The following PARM1 variants were observed in gnomAD, a reference collection of about 807,000 sequenced individuals.
PARM1 encodes WSC4, cell wall integrity and stress response component 4 homolog.
PARM1 carries 14 observed loss-of-function variants against 24.6 expected under a neutral mutation model. The ratio of observed to expected loss-of-function variants is 0.57; its 90% confidence interval spans 0.38 to 0.89. The LOEUF (loss-of-function observed/expected upper bound fraction) is 0.89. PARM1 is among the 40% of genes least tolerant of loss of function. The probability of loss-of-function intolerance (pLI) is 0.00; values close to 1 mark genes in which losing one functional copy is unlikely to be tolerated. For synonymous variants in PARM1, 179 were observed against 156.6 expected (o/e 1.14, Z -1.07); for missense variants, 362 against 380.4 (o/e 0.95, Z 0.40).
intron 1 of PARM1, among the ~76,000 whole-genome samples, chr4:75,003,682 A>G (rs989185386): frequency 2.0e-5 from 3 of 152,168 alleles, no homozygotes; most frequent in Admixed American, 6.5e-5. Context: ...ATATGGTTGG[A>G]CCACACTCTA....
In PARM1 at chr4:74,989,231, C is replaced by G. The variant is rs557698504; in HGVS notation, c.44-23194C>G. ...TACCTGAAGATAGTGTCAGATCCCA[C>G]AGCTTAAGGGCTCAGTCCCACAAGA... On this transcript the variant is annotated intron_variant, in intron 1 of 3. Transcript: ENST00000307428. Among the ~76,000 whole-genome samples, 17 of 152,242 alleles carry G rather than the reference C, an allele frequency of 1.1e-4. No individual in the cohort carries two copies. In the East Asian group the frequency reaches 2.9e-3, roughly 26 times the overall value.
chr4:74,982,505 A>C (rs1722277887), intron 1 of PARM1, among the ~76,000 whole-genome samples: 1 of 152,208 alleles, frequency 6.6e-6, no homozygotes, highest in Non-Finnish European at 1.5e-5. Context: ...ACATTCACAT[A>C]ACTTTTTTTA....
At chr4:75,030,572 T>A (rs1416132521) in intron 2 of PARM1, among the ~76,000 whole-genome samples, 1 of 152,220 alleles carries the variant, frequency 6.6e-6, no homozygotes, top group Non-Finnish European at 1.5e-5. Flanking sequence ...ACCAGCCCTC[T>A]GGATAGGCAG....
chr4:74,972,143 T>G (rs533875377), intron 1 of PARM1, among the ~76,000 whole-genome samples: 23 of 152,286 alleles, frequency 1.5e-4, no homozygotes, highest in Admixed American at 9.8e-4. Context: ...AGTGGAGCAG[T>G]GCTGCCCACA....
At chr4:75,020,009 C>CAAA (rs1161399344) in intron 2 of PARM1, among the ~76,000 whole-genome samples, 19 of 31,026 alleles carry the variant, frequency 6.1e-4, no homozygotes, top group East Asian at 2.6e-3. Flanking sequence ...GACTCCGTCT[C>CAAA]AAAAAAAAAA....
chr4:74,975,105 C>A (rs911579844), intron 1 of PARM1, among the ~76,000 whole-genome samples: 2 of 152,162 alleles, frequency 1.3e-5, no homozygotes, highest in East Asian at 1.9e-4. Context: ...TTTCACCTAA[C>A]CTTTGAATGT....
intron 1 of PARM1, among the ~76,000 whole-genome samples, chr4:74,977,550 T>A (rs1330880913): frequency 2.0e-5 from 3 of 152,270 alleles, no homozygotes; most frequent in East Asian, 3.9e-4. Flanking sequence ...CATCAGGATA[T>A]CATTCAGAAA....
intron 1 of PARM1, among the ~76,000 whole-genome samples, chr4:74,954,478 T>G (rs945046001): frequency 6.6e-6 from 1 of 152,236 alleles, no homozygotes; most frequent in African/African-American, 2.4e-5. Context: ...AACGTAAACT[T>G]GACCTGTGTT....
At chr4:74,969,772 C>A (rs1721985664) in intron 1 of PARM1, 1 of 152,218 alleles carries the variant, frequency 6.6e-6, no homozygotes, top group African/African-American at 2.4e-5. Context: ...GCTGTTCCTT[C>A]TCTTCTGGGT....
chr4:74,960,822 C>T (rs1428740208), intron 1 of PARM1, among the ~76,000 whole-genome samples: 2 of 150,958 alleles, frequency 1.3e-5, no homozygotes, highest in Admixed American at 6.6e-5. Flanking sequence ...TCCTGGCTAA[C>T]ATGGTAAAAC....
chr4:75,033,767 TC>T, intron 2 of PARM1, 115 bp from the exon 3 acceptor site: 6 of 668,582 alleles, frequency 9.0e-6, no homozygotes, highest in East Asian at 3.1e-5. Context: ...AAGTAGCTTT[TC>T]CCCCTTTCAG....
chr4:74,962,626 CAA>C (rs1372698559), intron 1 of PARM1, among the ~76,000 whole-genome samples: 2 of 152,080 alleles, frequency 1.3e-5, no homozygotes, highest in Non-Finnish European at 2.9e-5. Flanking sequence ...GCCATGCAAA[CAA>C]GAGAGCAGGG....
chr4:75,039,529 AAAAT>A, intron 3 of PARM1, among the ~76,000 whole-genome samples: 1 of 152,022 alleles, frequency 6.6e-6, no homozygotes, highest in Admixed American at 6.6e-5. Context: ...GCGAGAAAAA[AAAAT>A]AAAATAAAAT....
At chr4:74,999,305 T>C (rs1722634180) in intron 1 of PARM1, 1 of 152,246 alleles carries the variant, frequency 6.6e-6, no homozygotes. Context: ...ATTAAAACCT[T>C]ACATTGGTGC....
chr4:75,013,895 C>T (rs962706782), intron 2 of PARM1, among the ~76,000 whole-genome samples: 1 of 152,162 alleles, frequency 6.6e-6, no homozygotes, highest in African/African-American at 2.4e-5. Flanking sequence ...TCTGAGGTCA[C>T]CTGCATCTGA....
intron 2 of PARM1, among the ~76,000 whole-genome samples, chr4:75,018,389 A>G (rs935562784): frequency 2.6e-5 from 4 of 152,242 alleles, no homozygotes; most frequent in Non-Finnish European, 4.4e-5. Context: ...ATTGAGAATC[A>G]TATTTTAAAA....
At chr4:75,003,321 GAA>G (rs879669555) in intron 1 of PARM1, among the ~76,000 whole-genome samples, 9 of 117,598 alleles carry the variant, frequency 7.7e-5, no homozygotes, top group Admixed American at 1.8e-4. Flanking sequence ...TGCATCTAAG[GAA>G]AAAAAAAAAA....
intron 1 of PARM1, among the ~76,000 whole-genome samples, chr4:74,936,879 G>A (rs1721205328): frequency 6.6e-6 from 1 of 152,178 alleles, no homozygotes; most frequent in African/African-American, 2.4e-5. Flanking sequence ...CACTAGGTAA[G>A]AGAGGCACAA....
chr4:75,001,886 G>A (rs962233372), intron 1 of PARM1, among the ~76,000 whole-genome samples: 4 of 152,154 alleles, frequency 2.6e-5, no homozygotes, highest in East Asian at 1.9e-4. Context: ...CCCCTTCCCC[G>A]TTCCCTGGAT....
Sources: allele counts gnomAD v4.1 joint callset (sites outside exome capture counted in the v4.1 genomes callset), GRCh38; gene constraint gnomAD v4.1.1; transcripts MANE v1.5; gene names NCBI Gene and HGNC (gene_info 2026-07-23, HGNC 2026-07-21).